Variants in PPP2R2B observed in about 807,000 individuals in gnomAD.
PPP2R2B encodes the protein protein phosphatase 2 regulatory subunit Bbeta, also known as serine/threonine-protein phosphatase 2A 55 kDa regulatory subunit B beta isoform.
A neutral mutation model predicts 46.0 loss-of-function variants in PPP2R2B; 5 were observed. The observed-to-expected ratio is 0.11, with a 90% CI of 0.06 to 0.23. PPP2R2B has a LOEUF of 0.23. PPP2R2B is among the 10% of genes least tolerant of loss of function. The pLI is 1.00. For synonymous variants in PPP2R2B, 215 were observed against 206.7 expected, an observed-to-expected ratio of 1.04 and a Z score of -0.34; for missense variants, 367 against 575.0, an observed-to-expected ratio of 0.64 and a Z score of 3.70.
At chr5:146,600,680 A>G (rs977202273) in intron 7 of PPP2R2B, among the ~76,000 whole-genome samples, 1 of 151,856 alleles carries the variant, frequency 6.6e-6, no homozygotes, top group Non-Finnish European at 1.5e-5. Context: ...CTGGCATGGG[A>G]CCCGTCCCAT....
chr5:146,985,960 G>C lies in PPP2R2B; in HGVS notation c.79+69705C>G, dbSNP rs1753411581. 2.0e-5 allele frequency among the ~76,000 whole-genome samples: 3 copies of C among 152,132 alleles called. No homozygotes were observed. The South Asian group carries it at 6.2e-4, about 32-fold the overall frequency. The stretch of plus-strand genomic sequence containing the variant: ...GAAATCAAGAGAACAGGAAAAGGTA[G>C]AGCAAGATGGCATAATAGAACCCTC... On this transcript the variant is annotated intron_variant, in intron 1 of 8. Coordinates refer to the PPP2R2B transcript ENST00000336640.
At chr5:146,933,619 A>T (rs1445956743) in intron 1 of PPP2R2B, among the ~76,000 whole-genome samples, 7 of 151,760 alleles carry the variant, frequency 4.6e-5, no homozygotes, top group Non-Finnish European at 1.0e-4. Context: ...GCAAAATGAG[A>T]CCCATTTAAG....
At chr5:146,672,006 T>C (rs1357227508) in intron 5 of PPP2R2B, among the ~76,000 whole-genome samples, 1 of 152,010 alleles carries the variant, frequency 6.6e-6, no homozygotes, top group Non-Finnish European at 1.5e-5. Context: ...AAGAGAAAAA[T>C]AATGAGCTCT....
chr5:146,654,209 G>C (rs1186689000), intron 5 of PPP2R2B, among the ~76,000 whole-genome samples: 1 of 152,134 alleles, frequency 6.6e-6, no homozygotes, highest in Non-Finnish European at 1.5e-5. Flanking sequence ...ATCTCCTCCA[G>C]CGCCCTCAGT....
chr5:147,012,447 C>T lies in PPP2R2B; in HGVS notation c.79+43218G>A, dbSNP rs930329090. 2.4e-4 allele frequency among the ~76,000 whole-genome samples: 37 copies of T among 152,034 alleles called. No individual in the cohort carries two copies. In the South Asian group the frequency reaches 5.0e-3, roughly 21 times the overall value. ...ATATCCCCTTTATCATTTTTTATTG[C>T]GTCTATTAGATTCTTCTCTCTTTTT... On this transcript the variant is annotated intron_variant, in intron 1 of 8. Transcript: ENST00000336640.
At chr5:146,660,284 A>G (rs1776595180) in intron 5 of PPP2R2B, among the ~76,000 whole-genome samples, 1 of 152,354 alleles carries the variant, frequency 6.6e-6, no homozygotes, top group Admixed American at 6.5e-5. Context: ...TTCAGTAGGA[A>G]GAATGCCAGT....
intron 2 of PPP2R2B, among the ~76,000 whole-genome samples, chr5:146,786,687 G>A (rs984178488): frequency 1.6e-4 from 25 of 152,288 alleles, no homozygotes; most frequent in African/African-American, 5.8e-4. Context: ...GGAAAGAGAT[G>A]ATATTGGTTT....
At chr5:146,997,598 T>C (rs1753981498) in intron 1 of PPP2R2B, among the ~76,000 whole-genome samples, 1 of 152,132 alleles carries the variant, frequency 6.6e-6, no homozygotes, top group Non-Finnish European at 1.5e-5. Flanking sequence ...CATGCCAACA[T>C]GTGAGACCAA....
intron 1 of PPP2R2B, among the ~76,000 whole-genome samples, chr5:146,965,554 C>G (rs776275141): frequency 3.3e-5 from 5 of 152,110 alleles, no homozygotes; most frequent in Non-Finnish European, 7.3e-5. Flanking sequence ...TCAGAACTGT[C>G]AGTCATAGTC....
At chr5:146,979,808 G>A (rs1347003326) in intron 1 of PPP2R2B, among the ~76,000 whole-genome samples, 1 of 152,066 alleles carries the variant, frequency 6.6e-6, no homozygotes, top group Non-Finnish European at 1.5e-5. Flanking sequence ...ACAATATACT[G>A]TAATAAAAGT....
chr5:146,584,536 A>C lies in PPP2R2B; in HGVS notation c.*5411T>G, dbSNP rs1393382177. ...TCTGGAACAGGATAGATCTAGATAAAACTTCCTGCTACGTCATCTAACCCT... is the reference window on the plus strand; with the variant it reads ...TCTGGAACAGGATAGATCTAGATAACACTTCCTGCTACGTCATCTAACCCT... On this transcript the variant is annotated 3_prime_UTR_variant, in exon 10 of 10. Transcript: ENST00000394411. 6.6e-6 allele frequency: 1 copy of C among 152,180 alleles called. No homozygotes were observed. The highest frequency in any genetic ancestry group is 1.5e-5 in the Non-Finnish European group (1 of 68,034). The allele number at this position is 152,180 out of a possible 1,614,324, so 9.4% of individuals were successfully genotyped here.
chr5:146,975,901 C>G (rs947726959), intron 1 of PPP2R2B, among the ~76,000 whole-genome samples: 10 of 151,758 alleles, frequency 6.6e-5, no homozygotes, highest in African/African-American at 1.9e-4. Context: ...ATATAATTTG[C>G]AAATATTTTC....
intron 1 of PPP2R2B, among the ~76,000 whole-genome samples, chr5:146,933,033 G>A (rs1249349526): frequency 6.6e-6 from 1 of 152,034 alleles, no homozygotes; most frequent in East Asian, 1.9e-4. Context: ...ATATTCACGT[G>A]GGAATTATAT....
At chr5:146,723,776 C>T (rs1366759018) in intron 2 of PPP2R2B, among the ~76,000 whole-genome samples, 3 of 152,116 alleles carry the variant, frequency 2.0e-5, no homozygotes, top group Non-Finnish European at 2.9e-5. Flanking sequence ...CATCTCTGTG[C>T]TTAAAATCAT....
At chr5:146,659,644 T>C (rs900814890) in intron 5 of PPP2R2B, among the ~76,000 whole-genome samples, 1 of 152,232 alleles carries the variant, frequency 6.6e-6, no homozygotes. Flanking sequence ...ATGCACATCA[T>C]GTTATTGAAT....
chr5:146,886,960 A>T (rs530426504), intron 1 of PPP2R2B, among the ~76,000 whole-genome samples: 16 of 152,188 alleles, frequency 1.1e-4, no homozygotes, highest in African/African-American at 3.6e-4. Context: ...ACATATAAAA[A>T]CATATATGTG....
chr5:146,972,968 T>C (rs559516223), intron 1 of PPP2R2B, among the ~76,000 whole-genome samples: 11 of 152,302 alleles, frequency 7.2e-5, no homozygotes, highest in Admixed American at 6.5e-4. Context: ...TTTTGCCATA[T>C]AGATTTTAAA....
At chr5:146,645,333 A>G (rs2151087796) in intron 6 of PPP2R2B, among the ~76,000 whole-genome samples, 1 of 152,250 alleles carries the variant, frequency 6.6e-6, no homozygotes, top group Non-Finnish European at 1.5e-5. Context: ...TCCAAAGAGG[A>G]CTCCAAGGGA....
chr5:146,873,055 A>G (rs750579405), intron 2 of PPP2R2B, among the ~76,000 whole-genome samples: 9 of 152,180 alleles, frequency 5.9e-5, no homozygotes, highest in African/African-American at 1.7e-4. Flanking sequence ...TGCAAGTCTC[A>G]CTGTGAAACT....
Sources: allele counts gnomAD v4.1 joint callset (sites outside exome capture counted in the v4.1 genomes callset), GRCh38; gene constraint gnomAD v4.1.1; transcripts MANE v1.5; gene names NCBI Gene and HGNC (gene_info 2026-07-23, HGNC 2026-07-21).